The following NEDD4L variants were observed in gnomAD, a reference collection of about 807,000 sequenced individuals.
NEDD4L encodes the protein E3 ubiquitin-protein ligase NEDD4-like.
In NEDD4L, 54 loss-of-function variants were observed where a neutral mutation model predicts 148.9. The ratio of observed to expected loss-of-function variants is 0.36; its 90% CI spans 0.29 to 0.45. NEDD4L has a LOEUF of 0.45. NEDD4L is among the 20% of genes least tolerant of loss of function. The pLI is 1.00. For missense variants in NEDD4L, 856 were observed against 1,233.8 expected (o/e 0.69, Z 4.59); for synonymous variants, 433 against 440.7 (o/e 0.98, Z 0.22).
intron 2 of NEDD4L, among the ~76,000 whole-genome samples, chr18:58,231,367 G>A (rs1479823108): frequency 6.6e-6 from 1 of 151,974 alleles, no homozygotes; most frequent in Non-Finnish European, 1.5e-5. Flanking sequence ...TTATTATGGG[G>A]GTGCTTCATC....
rs745384885 is a variant in NEDD4L, at chr18:58,341,097, A to G, written c.1185A>G (p.Lys395=). Residue 395 remains lysine (K), a synonymous_variant, in exon 14 of 31, where the codon AAA becomes AAG. Transcript: ENST00000400345. ...TGCCTTCAGGCTGGGAAGAAAGAAAAGATGCTAAGGGGCGCACATACTATG... is the reference window on the plus strand; with the variant it reads ...TGCCTTCAGGCTGGGAAGAAAGAAAGGATGCTAAGGGGCGCACATACTATG... ...PGLPSGWEER[K]DAKGRTYYVN... The G allele has an allele frequency of 1.2e-6, 2 of 1,612,132 alleles. No homozygotes were observed. Among genetic ancestry groups the G allele is most frequent in the Non-Finnish European group, 1.7e-6 (2 of 1,179,142 alleles).
intron 2 of NEDD4L, among the ~76,000 whole-genome samples, chr18:58,186,333 G>A (rs1232469670): frequency 6.6e-6 from 1 of 152,198 alleles, no homozygotes; most frequent in Non-Finnish European, 1.5e-5. Flanking sequence ...GAGAGATGGT[G>A]GCTCCTGCAG....
chr18:58,384,862 C>T (rs933815443), intron 25 of NEDD4L, among the ~76,000 whole-genome samples: 1 of 152,226 alleles, frequency 6.6e-6, no homozygotes, highest in South Asian at 2.1e-4. Flanking sequence ...CCTGAGATGA[C>T]ATCCAGAGTA....
chr18:58,244,074 C>T (rs1374784314), intron 2 of NEDD4L, among the ~76,000 whole-genome samples: 1 of 152,092 alleles, frequency 6.6e-6, no homozygotes, highest in Non-Finnish European at 1.5e-5. Context: ...GATTTCATGG[C>T]ATATTTATTA....
intron 1 of NEDD4L, among the ~76,000 whole-genome samples, chr18:58,112,897 G>A (rs2085507673): frequency 6.6e-6 from 1 of 152,202 alleles, no homozygotes; most frequent in South Asian, 2.1e-4. Flanking sequence ...TGGGGCCTTT[G>A]GGACGTGATT....
At chr18:58,303,953 A>G (rs1342864279) in intron 5 of NEDD4L, among the ~76,000 whole-genome samples, 1 of 152,174 alleles carries the variant, frequency 6.6e-6, no homozygotes, top group Non-Finnish European at 1.5e-5. Flanking sequence ...CAAAGATGGA[A>G]TGGACACCTT....
intron 2 of NEDD4L, among the ~76,000 whole-genome samples, chr18:58,219,694 C>G (rs1342244508): frequency 6.6e-6 from 1 of 152,190 alleles, no homozygotes. Flanking sequence ...GACCCACCTA[C>G]TAACCTCATT....
In NEDD4L at chr18:58,390,663, C is replaced by T. The variant is rs763550993; in HGVS notation, c.2673C>T (p.Asp891=). 1.3e-5 allele frequency: 20 copies of T among 1,588,338 alleles called. No homozygotes were observed. Among genetic ancestry groups the T allele is most frequent in the South Asian group, 8.1e-5 (7 of 86,896 alleles). The change falls in exon 29 of 31, where the codon GAC becomes GAT. Residue 891 remains aspartate, a synonymous_variant. Coordinates refer to ENST00000400345, the MANE Select transcript of NEDD4L (RefSeq NM_001144967.3). ...QWFWKAVLLM[D]AEKRIRLLQF... ...GTTCATAGGCTGTGCTACTCATGGACGCCGAAAAGCGTATCCGGTTACTGC... is the reference window on the plus strand; with the variant it reads ...GTTCATAGGCTGTGCTACTCATGGATGCCGAAAAGCGTATCCGGTTACTGC...
chr18:58,389,336 G>C, intron 28 of NEDD4L, 144 bp downstream of exon 28: 1 of 590,026 alleles, frequency 1.7e-6, no homozygotes, highest in Non-Finnish European at 3.0e-6. Context: ...GGAGGGAAGA[G>C]GCAAACTGAG....
intron 2 of NEDD4L, among the ~76,000 whole-genome samples, chr18:58,223,685 TGTAGTGTGCTAGTAAC>T (rs2044022634): frequency 6.6e-6 from 1 of 152,244 alleles, no homozygotes; most frequent in Non-Finnish European, 1.5e-5. Flanking sequence ...TTAAATATGA[TGTAGTGTGCTAGTAAC>T]ATAGACGGGG....
At chr18:58,385,983 C>T (rs2048959393) in intron 26 of NEDD4L, among the ~76,000 whole-genome samples, 1 of 152,028 alleles carries the variant, frequency 6.6e-6, no homozygotes, top group African/African-American at 2.4e-5. Flanking sequence ...TGATGAAGCG[C>T]AGTCCCCAAA....
chr18:58,338,699 T>A (rs887712029), intron 13 of NEDD4L, among the ~76,000 whole-genome samples: 5 of 152,162 alleles, frequency 3.3e-5, no homozygotes, highest in Non-Finnish European at 7.3e-5. Context: ...GTGGATCAAT[T>A]GAAGTCAGCA....
intron 5 of NEDD4L, among the ~76,000 whole-genome samples, chr18:58,276,931 ACC>A (rs112430628): frequency 0.18 from 26,853 of 151,814 alleles, 2,484 homozygotes; most frequent in Non-Finnish European, 0.18. Context: ...GGTGGAGTGG[ACC>A]GTGTCCTGCT....
At chr18:58,343,155 A>C (rs1208868513) in intron 16 of NEDD4L, 52 bp downstream of exon 16, 4 of 1,483,236 alleles carry the variant, frequency 2.7e-6, no homozygotes, top group Non-Finnish European at 2.7e-6. Flanking sequence ...GTCTGGCATT[A>C]ATTCCTTGAT....
At chr18:58,312,501 G>A (rs1198296432) in intron 5 of NEDD4L, among the ~76,000 whole-genome samples, 2 of 152,118 alleles carry the variant, frequency 1.3e-5, no homozygotes, top group Admixed American at 6.5e-5. Flanking sequence ...GGCCTCAAAC[G>A]TTGTCCCTCC....
intron 1 of NEDD4L, among the ~76,000 whole-genome samples, chr18:58,123,180 C>T (rs942357522): frequency 2.0e-5 from 3 of 152,196 alleles, no homozygotes; most frequent in African/African-American, 4.8e-5. Flanking sequence ...TTGAAGACAC[C>T]GCCAACCCTG....
chr18:58,357,345 G>A, intron 19 of NEDD4L, 93 bp downstream of exon 19: 2 of 1,102,556 alleles, frequency 1.8e-6, no homozygotes, highest in South Asian at 2.5e-5. Context: ...GATGTCAAGG[G>A]ACAACGGTGA....
chr18:58,092,485 G>A (rs1599211620), intron 1 of NEDD4L, among the ~76,000 whole-genome samples: 2 of 152,244 alleles, frequency 1.3e-5, no homozygotes, highest in East Asian at 1.9e-4. Flanking sequence ...ATGCTGAACG[G>A]GTGGGGAAGG....
At chr18:58,208,445 G>C (rs753206433) in intron 2 of NEDD4L, among the ~76,000 whole-genome samples, 1 of 152,186 alleles carries the variant, frequency 6.6e-6, no homozygotes, top group Non-Finnish European at 1.5e-5. Context: ...ACTCTTTCCA[G>C]ATCATAAAAA....
Sources: allele counts gnomAD v4.1 joint callset (sites outside exome capture counted in the v4.1 genomes callset), GRCh38; gene constraint gnomAD v4.1.1; transcripts MANE v1.5; gene names NCBI Gene and HGNC (gene_info 2026-07-23, HGNC 2026-07-21).